The following SLC37A2 variants were observed in gnomAD, a reference collection of about 807,000 sequenced individuals.
The protein encoded by SLC37A2 is solute carrier family 37 member 2.
SLC37A2 carries 59 observed loss-of-function variants against 70.7 expected under a neutral mutation model. That is an observed-to-expected ratio of 0.83 (90% CI 0.68 to 1.04). SLC37A2 has a LOEUF of 1.04. SLC37A2 is among the 50% of genes least tolerant of loss of function. SLC37A2 has a pLI of 0.00. For missense variants in SLC37A2, 580 were observed against 658.1 expected, an observed-to-expected ratio of 0.88 and a Z score of 1.30; for synonymous variants, 257 against 262.1, an observed-to-expected ratio of 0.98 and a Z score of 0.19.
chr11:125,081,731 C>A lies in SLC37A2; in HGVS notation c.733-23C>A, dbSNP rs80171490. On this transcript the variant is annotated intron_variant, in intron 8 of 17. Transcript: ENST00000403796. ...AGGCAGCACATGGACGCACCCACAG[C>A]AGGGCTCATCTCCTCTGCTCAGGGT... 34 of 1,551,502 alleles carry A rather than the reference C, an allele frequency of 2.2e-5. No homozygotes were observed. The Middle Eastern group carries it at 5.3e-4, about 24-fold the overall frequency.
rs1949024812 is a variant in SLC37A2 at position 125,071,071 on chromosome 11, G to A, written c.60-5686G>A. On this transcript the variant is annotated intron_variant, in intron 1 of 17. Coordinates refer to ENST00000403796, the MANE Select transcript of SLC37A2 (RefSeq NM_001145290.2). ...AGCAGAATTGAGGACAGACACCAGA[G>A]GTAGAGTCCCTGAAGCCCAGGACCT... Among the ~76,000 whole-genome samples the A allele has an allele frequency of 2.6e-5, 4 of 152,206 alleles. No individual in the cohort carries two copies. In the South Asian group the frequency reaches 8.3e-4, roughly 32 times the overall value.
At position 125,085,557 on chromosome 11, in the gene SLC37A2, C is replaced by A. The variant is rs376164525; in HGVS notation, c.1328-20C>A. On this transcript the variant is annotated intron_variant, in intron 15 of 17. Transcript: ENST00000403796. ...AGGGGAGGTGCAGGACCCCTGCTCA[C>A]GAGGCTGTGCTCCATTCAGGTGCGG... 2.7e-5 allele frequency: 43 copies of A among 1,613,556 alleles called. No individual in the cohort carries two copies. In the African/African-American group the frequency reaches 4.1e-4, roughly 16 times the overall value.
chr11:125,076,988 C>T, intron 2 of SLC37A2, 150 bp downstream of exon 2: 1 of 809,626 alleles, frequency 1.2e-6, no homozygotes, highest in Non-Finnish European at 2.0e-6. Flanking sequence ...GAGTTTATTC[C>T]CCAAGACAGC....
In SLC37A2 at chr11:125,080,741, G is replaced by A; in HGVS notation, c.655G>A (p.Ala219Thr). The A allele has an allele frequency of 6.5e-7, 1 of 1,537,800 alleles. No individual in the cohort carries two copies. Among genetic ancestry groups the A allele is most frequent in the Non-Finnish European group, 8.8e-7 (1 of 1,139,690 alleles). Residue 219 changes from alanine to threonine, a missense_variant, in exon 7 of 18, where the codon GCC becomes ACC. Ala to Thr is a moderately conservative substitution (Grantham distance 58). Transcript: ENST00000403796. The surrounding 1 kb of genome is among the most constrained non-coding windows in gnomAD (Gnocchi z 4.3). ...LSFIVPGIITAVMGVITFLFL... is the reference protein window; with the variant it reads ...LSFIVPGIITTVMGVITFLFL... ...GTTCATCGTGCCTGGCATCATTACTGCCGTCATGGGCGTCATCACCTTCCT... is the reference window on the plus strand; with the variant it reads ...GTTCATCGTGCCTGGCATCATTACTACCGTCATGGGCGTCATCACCTTCCT...
At chr11:125,084,361 A>C in intron 12 of SLC37A2, 42 bp downstream of exon 12, 1 of 1,603,012 alleles carries the variant, frequency 6.2e-7, no homozygotes. Context: ...GCATGTGAGC[A>C]GGAGCCTGTG....
chr11:125,086,308 G>C, intron 17 of SLC37A2: 2 of 1,363,616 alleles, frequency 1.5e-6, no homozygotes, highest in Non-Finnish European at 2.1e-6. Context: ...TTGAGTGGGG[G>C]CTGCATGCAA....
chr11:125,084,484 G>A (rs185588431), intron 12 of SLC37A2, among the ~76,000 whole-genome samples, 165 bp downstream of exon 12: 1 of 152,334 alleles, frequency 6.6e-6, no homozygotes, highest in East Asian at 1.9e-4. Flanking sequence ...GGTCAGCAGA[G>A]GCACCTTGGA....
chr11:125,072,873 G>A (rs975757840), intron 1 of SLC37A2, among the ~76,000 whole-genome samples: 6 of 152,166 alleles, frequency 3.9e-5, no homozygotes, highest in Admixed American at 2.0e-4. Flanking sequence ...CATGCCCAGC[G>A]AGTGGTGTGA....
At chr11:125,064,147 T>C (rs1948958608) in intron 1 of SLC37A2, among the ~76,000 whole-genome samples, 1 of 152,204 alleles carries the variant, frequency 6.6e-6, no homozygotes, top group African/African-American at 2.4e-5. Context: ...GTTGCCATTA[T>C]TTACAAATCA....
Position 125,085,568 on chromosome 11 carries a change from T to G in SLC37A2, c.1328-9T>G, listed in dbSNP as rs147708611. Reference sequence around the variant, plus strand: ...AGGACCCCTGCTCACGAGGCTGTGCTCCATTCAGGTGCGGCTCTGGGGCCT... The same window carrying G: ...AGGACCCCTGCTCACGAGGCTGTGCGCCATTCAGGTGCGGCTCTGGGGCCT... On this transcript the variant is annotated splice_polypyrimidine_tract_variant and intron_variant, in intron 15 of 17. Coordinates refer to ENST00000403796, the MANE Select transcript of SLC37A2 (RefSeq NM_001145290.2). 2.8e-3 allele frequency: 4,447 copies of G among 1,613,802 alleles called. 6 individuals carry two copies. The highest frequency in any genetic ancestry group is 3.3e-3 in the Non-Finnish European group (3,849 of 1,180,014).
Position 125,079,019 on chromosome 11 carries a change from G to A in SLC37A2, c.315-93G>A. The A allele has an allele frequency of 1.9e-6, 3 of 1,551,798 alleles. No individual in the cohort carries two copies. In the South Asian group the frequency reaches 3.5e-5, roughly 18 times the overall value. On this transcript the variant is annotated intron_variant, in intron 4 of 17. Coordinates refer to ENST00000403796, the MANE Select transcript of SLC37A2 (RefSeq NM_001145290.2). Reference sequence around the variant, plus strand: ...AGTCATTGGTGGGACCTTGGCCAGAGCCACTTCCTAGCGTGGTGGGGGCAG... The same window carrying A: ...AGTCATTGGTGGGACCTTGGCCAGAACCACTTCCTAGCGTGGTGGGGGCAG...
intron 1 of SLC37A2, among the ~76,000 whole-genome samples, chr11:125,069,154 T>A (rs1010935115): frequency 2.6e-5 from 4 of 152,232 alleles, no homozygotes; most frequent in African/African-American, 9.6e-5. Flanking sequence ...CCAGGCATTG[T>A]TTATTTGTAA....
At chr11:125,084,948 G>A (rs1030653747) in intron 13 of SLC37A2, 75 bp downstream of exon 13, 28 of 1,595,928 alleles carry the variant, frequency 1.8e-5, no homozygotes, top group South Asian at 1.7e-4. Context: ...GCTGGCCCAC[G>A]GGGGGCACTG....
chr11:125,066,155 G>T (rs564289897), intron 1 of SLC37A2, among the ~76,000 whole-genome samples: 5 of 152,334 alleles, frequency 3.3e-5, no homozygotes, highest in African/African-American at 1.2e-4. Context: ...CGTTCTTAAT[G>T]TTGTCTAAGT....
chr11:125,077,602 G>GCTCATTCCCAGCTGCCCCCA, intron 4 of SLC37A2, 74 bp downstream of exon 4: 2 of 1,203,774 alleles, frequency 1.7e-6, no homozygotes, highest in Non-Finnish European at 2.4e-6. Context: ...AGGAACCTGG[G>GCTCATTCCCAGCTGCCCCCA]GGCAGCTGGG....
At position 125,088,303 on chromosome 11, in the gene SLC37A2, T is replaced by C. The variant is rs1949245684; in HGVS notation, c.*169T>C. ...TGCCTAAGGACACAGAGATTCTCCA[T>C]GGGAAGGGGACTGCCAAGCATGAGG... On this transcript the variant is annotated 3_prime_UTR_variant, in exon 18 of 18. Transcript: ENST00000403796. The C allele has an allele frequency of 1.4e-6, 1 of 704,322 alleles. No individual in the cohort carries two copies. Among genetic ancestry groups the C allele is most frequent in the Non-Finnish European group, 2.3e-6 (1 of 427,166 alleles). The allele number at this position is 704,322 out of a possible 1,614,324, so 43.6% of individuals were successfully genotyped here. A position where few individuals can be genotyped will look rare whatever the true frequency, so the allele number is the denominator to read the frequency against.
rs1270559472 is a variant in SLC37A2, at chr11:125,084,394, G to A, written c.1125+75G>A. 8.6e-6 allele frequency: 12 copies of A among 1,393,312 alleles called. No homozygotes were observed. In the Admixed American group the frequency reaches 1.0e-4, roughly 12 times the overall value. 86.3% of individuals were successfully genotyped at this position (1,393,312 alleles called of 1,614,324 possible). On this transcript the variant is annotated intron_variant, in intron 12 of 17. Coordinates refer to ENST00000403796, the MANE Select transcript of SLC37A2 (RefSeq NM_001145290.2). ...GTGTGGGCCTCTGGCCTATGTGCAC[G>A]TCCACGCGTTACACACATTGATGTC...
At chr11:125,068,463 T>TCTA (rs1188978365) in intron 1 of SLC37A2, among the ~76,000 whole-genome samples, 2 of 152,212 alleles carry the variant, frequency 1.3e-5, no homozygotes, top group Non-Finnish European at 2.9e-5. Context: ...AAGACAGGGT[T>TCTA]CTACCTTCTT....
chr11:125,090,487 G>C lies in SLC37A2; in HGVS notation c.*2353G>C, dbSNP rs536644723. Among the ~76,000 whole-genome samples the C allele has an allele frequency of 4.1e-4, 63 of 152,268 alleles. 1 individual carries two copies. In the South Asian group the frequency reaches 0.012, roughly 29 times the overall value. On this transcript the variant is annotated 3_prime_UTR_variant, in exon 18 of 18. Coordinates refer to ENST00000403796, the MANE Select transcript of SLC37A2 (RefSeq NM_001145290.2). ...TCCCCTTCCACGCTGTGGGAGCTTT[G>C]TTCTTTGCAATAAATCTTGCTACTG...
Sources: allele counts gnomAD v4.1 joint callset (sites outside exome capture counted in the v4.1 genomes callset), GRCh38; gene constraint gnomAD v4.1.1; non-coding constraint Gnocchi (gnomAD v3.1); transcripts MANE v1.5; gene names NCBI Gene and HGNC (gene_info 2026-07-23, HGNC 2026-07-21).